Variants in ALG9 observed in about 807,000 individuals in gnomAD.
ALG9 encodes ALG9 alpha-1,2-mannosyltransferase, also known as alpha-1,2-mannosyltransferase ALG9.
ALG9 carries 55 observed loss-of-function variants against 81.8 expected under a neutral mutation model. That is an observed-to-expected ratio of 0.67 (90% CI 0.54 to 0.84). ALG9 has a LOEUF of 0.84. Ranked by LOEUF, ALG9 falls within the 40% of genes least tolerant of loss-of-function variation. ALG9 has a pLI of 0.00. For missense variants in ALG9, 629 were observed against 745.0 expected (o/e 0.84, Z 1.81); for synonymous variants, 278 against 274.3 (o/e 1.01, Z -0.13).
intron 13 of ALG9, among the ~76,000 whole-genome samples, chr11:111,831,652 A>C (rs678852): frequency 0.037 from 5,637 of 152,296 alleles, 362 homozygotes; most frequent in African/African-American, 0.13. Flanking sequence ...CAAGCCTTTT[A>C]TCCTAGGGCT....
At chr11:111,819,528 A>T (rs1017472542) in intron 13 of ALG9, among the ~76,000 whole-genome samples, 3 of 152,248 alleles carry the variant, frequency 2.0e-5, no homozygotes, top group Admixed American at 6.5e-5. Flanking sequence ...GTAAACTCCT[A>T]GGCAAGTGGG....
At chr11:111,789,321 A>T (rs1392515011) in intron 14 of ALG9, among the ~76,000 whole-genome samples, 1 of 151,836 alleles carries the variant, frequency 6.6e-6, no homozygotes, top group Non-Finnish European at 1.5e-5. Flanking sequence ...GCATGATCAT[A>T]GTTCACTGCA....
the ALG9 span, among the ~76,000 whole-genome samples, chr11:111,768,398 G>A: frequency 0.75 from 113,628 of 152,046 alleles, 43,144 homozygotes; most frequent in African/African-American, 0.89. Flanking sequence ...TTTTAGCTGT[G>A]TAAGAACTAG....
intron 13 of ALG9, among the ~76,000 whole-genome samples, chr11:111,819,841 G>A (rs1952048514): frequency 6.6e-6 from 1 of 152,132 alleles, no homozygotes; most frequent in African/African-American, 2.4e-5. Context: ...CTGGTGCCTG[G>A]TACAGTACCT....
Position 111,838,343 on chromosome 11 carries a change from C to T in ALG9, c.1230G>A (p.Leu410=). Residue 410 remains leucine (L), a synonymous_variant, in exon 11 of 15, where the codon CTG becomes CTA. Transcript: ENST00000616540. ...AATTCGATGTCACAGTATAGTGCTC[C>T]AGGCGATATCGTTGAAACACAAAGT... ...CYHFVFQRYR[L]EHYTVTSNWL... is the part of the protein sequence containing the mutation. 6.2e-7 allele frequency: 1 copy of T among 1,613,826 alleles called. No homozygotes were observed. The highest frequency in any genetic ancestry group is 8.5e-7 in the Non-Finnish European group (1 of 1,179,728).
At chr11:111,805,405 A>C in intron 14 of ALG9, 1 of 445,456 alleles carries the variant, frequency 2.2e-6, no homozygotes, top group Non-Finnish European at 4.5e-6. Flanking sequence ...CAAAACTTGG[A>C]AGCAACCAAA....
intron 14 of ALG9, among the ~76,000 whole-genome samples, chr11:111,803,319 T>C (rs1949413923): frequency 6.6e-6 from 1 of 151,950 alleles, no homozygotes; most frequent in African/African-American, 2.4e-5. Flanking sequence ...CTGGCCAACA[T>C]TGTGAAACTC....
intron 13 of ALG9, chr11:111,828,912 T>C (rs1389922688): frequency 6.6e-6 from 1 of 152,226 alleles, no homozygotes; most frequent in Admixed American, 6.5e-5. Flanking sequence ...CTGCAGATAT[T>C]GATTTTTCTT....
intron 9 of ALG9, among the ~76,000 whole-genome samples, chr11:111,841,268 T>C (rs1210218466): frequency 1.3e-5 from 2 of 152,212 alleles, no homozygotes; most frequent in East Asian, 3.8e-4. Flanking sequence ...TCTGTTCAAA[T>C]AGCCATGGAT....
At chr11:111,844,529 C>T (rs1269058062) in intron 9 of ALG9, 72 bp downstream of exon 9, 15 of 1,599,962 alleles carry the variant, frequency 9.4e-6, no homozygotes, top group Non-Finnish European at 1.2e-5. Context: ...GTAGGATTTT[C>T]CTTCAGTTCT....
At chr11:111,827,739 A>G (rs1370863738) in intron 13 of ALG9, among the ~76,000 whole-genome samples, 1 of 150,682 alleles carries the variant, frequency 6.6e-6, no homozygotes, top group African/African-American at 2.4e-5. Flanking sequence ...ATGGTGGCAC[A>G]CACCTGTAAT....
chr11:111,838,484 C>A, intron 10 of ALG9, 85 bp from the exon 11 acceptor site: 1 of 1,258,658 alleles, frequency 7.9e-7, no homozygotes, highest in South Asian at 1.4e-5. Context: ...AAAAGAGGTT[C>A]TATTAGGGAT....
At chr11:111,781,608 T>A (rs1054482596), downstream of ALG9, among the ~76,000 whole-genome samples, 1 of 152,128 alleles carries the variant, frequency 6.6e-6, no homozygotes, top group African/African-American at 2.4e-5. Context: ...TTAGGTACAA[T>A]GTTCATGTAT....
intron 14 of ALG9, chr11:111,788,501 T>C: frequency 4.4e-6 from 2 of 453,058 alleles, no homozygotes; most frequent in South Asian, 3.1e-5. Flanking sequence ...CCCAATATTT[T>C]GAGAGGCTGA....
downstream of ALG9, chr11:111,778,162 C>A (rs1363031335): frequency 6.6e-6 from 1 of 152,072 alleles, no homozygotes; most frequent in African/African-American, 2.4e-5. Context: ...CTCAAGGCAG[C>A]CATAGGTCCT....
intron 4 of ALG9, among the ~76,000 whole-genome samples, chr11:111,862,727 A>G (rs1279937183): frequency 6.7e-6 from 1 of 150,336 alleles, no homozygotes; most frequent in Non-Finnish European, 1.5e-5. Flanking sequence ...ATAATATTAC[A>G]TATTATATGA....
chr11:111,869,281 T>C (rs868994097), intron 2 of ALG9, among the ~76,000 whole-genome samples: 16 of 152,344 alleles, frequency 1.1e-4, no homozygotes, highest in South Asian at 8.3e-4. Flanking sequence ...ATATTCTCCT[T>C]AAACAACCTA....
chr11:111,817,629 T>G (rs547084603), intron 13 of ALG9: 3 of 152,386 alleles, frequency 2.0e-5, no homozygotes, highest in African/African-American at 7.2e-5. Flanking sequence ...ATTTTTTTTG[T>G]ATTTTGTAGA....
At chr11:111,836,118 G>T in intron 13 of ALG9, 47 bp downstream of exon 13, 1 of 1,611,466 alleles carries the variant, frequency 6.2e-7, no homozygotes, top group Non-Finnish European at 8.5e-7. Flanking sequence ...CAGACTTTTA[G>T]GCATAGAATT....
Sources: gnomAD v4.1 joint callset for allele counts (sites outside exome capture counted in the v4.1 genomes callset) on GRCh38, gnomAD v4.1.1 for gene constraint, MANE v1.5 for transcripts, NCBI Gene and HGNC (gene_info 2026-07-23, HGNC 2026-07-21) for gene names.